LSAMP: variants seen among roughly 807,000 people sequenced by gnomAD.
The protein encoded by LSAMP is limbic system-associated membrane protein.
A neutral mutation model predicts 38.6 loss-of-function variants in LSAMP; 7 were observed. The observed-to-expected ratio is 0.18, with a 90% CI of 0.10 to 0.34. The LOEUF (loss-of-function observed/expected upper bound fraction) is 0.34. LSAMP is among the 10% of genes least tolerant of loss of function. The probability of loss-of-function intolerance (pLI) is 1.00; values close to 1 mark genes in which losing one functional copy is unlikely to be tolerated. For missense variants in LSAMP, 313 were observed against 420.0 expected (o/e 0.75, Z 2.23); for synonymous variants, 154 against 166.8 (o/e 0.92, Z 0.59).
intron 3 of LSAMP, among the ~76,000 whole-genome samples, chr3:115,957,678 A>G: frequency 6.6e-6 from 1 of 152,222 alleles, no homozygotes. Flanking sequence ...ATTTCAATGA[A>G]TGTAATGATT....
chr3:116,094,578 G>C (rs1708185715), intron 1 of LSAMP, among the ~76,000 whole-genome samples: 1 of 152,166 alleles, frequency 6.6e-6, no homozygotes, highest in Non-Finnish European at 1.5e-5. Flanking sequence ...TGCACACACA[G>C]AAGTAGAAAT....
At chr3:116,288,246 C>G (rs972992945) in intron 1 of LSAMP, among the ~76,000 whole-genome samples, 1 of 152,192 alleles carries the variant, frequency 6.6e-6, no homozygotes, top group Non-Finnish European at 1.5e-5. Context: ...TACCCTTGAG[C>G]ACCATCCCTG....
intron 3 of LSAMP, among the ~76,000 whole-genome samples, chr3:115,857,353 T>C (rs1216004178): frequency 2.0e-5 from 3 of 152,202 alleles, no homozygotes; most frequent in Non-Finnish European, 4.4e-5. Context: ...GACTGGCTGC[T>C]CTCAACCCCA....
At chr3:116,068,298 T>A (rs1238155260) in intron 2 of LSAMP, among the ~76,000 whole-genome samples, 3 of 152,192 alleles carry the variant, frequency 2.0e-5, no homozygotes. Context: ...TTAAATGTGC[T>A]ATAAATCATT....
chr3:116,270,794 T>C (rs2046961195), intron 1 of LSAMP, among the ~76,000 whole-genome samples: 1 of 152,016 alleles, frequency 6.6e-6, no homozygotes, highest in Admixed American at 6.6e-5. Context: ...TAAACCCAGG[T>C]TCTGCGAACA....
At chr3:115,912,081 T>C (rs1033263038) in intron 3 of LSAMP, among the ~76,000 whole-genome samples, 1 of 152,200 alleles carries the variant, frequency 6.6e-6, no homozygotes. Context: ...TTGCCTGATT[T>C]GTAGTTTCTC....
intron 1 of LSAMP, among the ~76,000 whole-genome samples, chr3:116,261,652 TC>T (rs1370211367): frequency 2.0e-5 from 3 of 152,120 alleles, no homozygotes; most frequent in Non-Finnish European, 4.4e-5. Flanking sequence ...GTGTCCTGCA[TC>T]CCATCTTTCT....
chr3:116,123,744 T>C (rs945975942), intron 1 of LSAMP, among the ~76,000 whole-genome samples: 4 of 152,222 alleles, frequency 2.6e-5, no homozygotes, highest in Non-Finnish European at 4.4e-5. Flanking sequence ...CGGTAGATAT[T>C]AATCAGACTT....
chr3:116,105,500 G>A (rs760262021), intron 1 of LSAMP, among the ~76,000 whole-genome samples: 51 of 152,186 alleles, frequency 3.4e-4, no homozygotes, highest in Admixed American at 1.4e-3. Context: ...TATAGGATTT[G>A]GAAAGGTAAT....
intron 1 of LSAMP, among the ~76,000 whole-genome samples, chr3:116,274,712 T>C (rs904322684): frequency 3.3e-5 from 5 of 152,088 alleles, no homozygotes; most frequent in Non-Finnish European, 7.4e-5. Flanking sequence ...GGCTTTTTTT[T>C]TTCTTTTCTC....
chr3:116,241,342 T>C (rs1189259069), intron 1 of LSAMP, among the ~76,000 whole-genome samples: 1 of 152,086 alleles, frequency 6.6e-6, no homozygotes, highest in East Asian at 1.9e-4. Flanking sequence ...TGAGACAGGC[T>C]GATCGCCTGA....
intron 1 of LSAMP, among the ~76,000 whole-genome samples, chr3:116,265,837 G>A (rs2046884464): frequency 6.6e-6 from 1 of 152,122 alleles, no homozygotes; most frequent in Non-Finnish European, 1.5e-5. Flanking sequence ...TCTTGACCTG[G>A]ACTAGTCCAA....
At chr3:115,842,346 G>A in intron 5 of LSAMP, 112 bp downstream of exon 5, 1 of 1,354,778 alleles carries the variant, frequency 7.4e-7, no homozygotes, top group Non-Finnish European at 9.9e-7. Context: ...AAGAGTGTGA[G>A]AATATAGTTC....
At chr3:116,301,926 T>C (rs1158515668) in intron 1 of LSAMP, among the ~76,000 whole-genome samples, 1 of 152,182 alleles carries the variant, frequency 6.6e-6, no homozygotes, top group African/African-American at 2.4e-5. Flanking sequence ...TGTGTGGACG[T>C]GGTAAAAATT....
intron 1 of LSAMP, among the ~76,000 whole-genome samples, chr3:116,275,283 G>T (rs1267180069): frequency 6.6e-6 from 1 of 151,934 alleles, no homozygotes; most frequent in Admixed American, 6.6e-5. Context: ...GAACTCCTAG[G>T]CTCAAGCAAT....
At chr3:116,015,409 G>A (rs984408838) in intron 3 of LSAMP, among the ~76,000 whole-genome samples, 7 of 152,110 alleles carry the variant, frequency 4.6e-5, no homozygotes, top group African/African-American at 1.7e-4. Context: ...CTCACAGAAG[G>A]AAGATCAAAC....
rs563214959 is a variant in LSAMP, at chr3:116,004,165, C to T, written c.514+15350G>A. Among the ~76,000 whole-genome samples, 14 of 152,150 alleles carry T rather than the reference C, an allele frequency of 9.2e-5. No homozygotes were observed. In the South Asian group the frequency reaches 1.9e-3, roughly 20 times the overall value. On this transcript the variant is annotated intron_variant, in intron 3 of 6. Coordinates refer to ENST00000490035, the MANE Select transcript of LSAMP (RefSeq NM_002338.5). ...ACTAAAAATCTAAAAGTCCAATTGA[C>T]GTTCAGGGCTTCAATATAATATTCA...
At chr3:116,254,992 G>A (rs2046731721) in intron 1 of LSAMP, among the ~76,000 whole-genome samples, 1 of 152,140 alleles carries the variant, frequency 6.6e-6, no homozygotes, top group South Asian at 2.1e-4. Context: ...TGTTAGGAAA[G>A]CATCTTTCTC....
chr3:116,255,819 A>G (rs896267730), intron 1 of LSAMP, among the ~76,000 whole-genome samples: 2 of 152,208 alleles, frequency 1.3e-5, no homozygotes, highest in Non-Finnish European at 2.9e-5. Flanking sequence ...GTATGCTTCC[A>G]GGAAAAACAA....
Sources: gnomAD v4.1 joint callset for allele counts (sites outside exome capture counted in the v4.1 genomes callset) on GRCh38, gnomAD v4.1.1 for gene constraint, MANE v1.5 for transcripts, NCBI Gene and HGNC (gene_info 2026-07-23, HGNC 2026-07-21) for gene names.